MARCHF1: variants seen among roughly 807,000 people sequenced by gnomAD.
The protein encoded by MARCHF1 is membrane associated ring-CH-type finger 1.
A neutral mutation model predicts 54.2 loss-of-function variants in MARCHF1; 40 were observed. The observed-to-expected ratio is 0.74, with a 90% CI of 0.57 to 0.96. The LOEUF (loss-of-function observed/expected upper bound fraction) is 0.96, where lower values mean the gene tolerates loss of function less well. Ranked by LOEUF, MARCHF1 falls within the 40% of genes least tolerant of loss-of-function variation. MARCHF1 has a pLI of 0.00. For missense variants in MARCHF1, 586 were observed against 656.5 expected (o/e 0.89, Z 1.17); for synonymous variants, 236 against 236.3 (o/e 1.00, Z 0.01).
chr4:164,107,020 A>C (rs1220625489), intron 2 of MARCHF1, among the ~76,000 whole-genome samples: 1 of 152,218 alleles, frequency 6.6e-6, no homozygotes, highest in Non-Finnish European at 1.5e-5. Flanking sequence ...GTTTAAATGC[A>C]TCAGCATCTT....
chr4:163,967,590 A>C (rs1015541223), intron 3 of MARCHF1, among the ~76,000 whole-genome samples: 1 of 152,100 alleles, frequency 6.6e-6, no homozygotes, highest in African/African-American at 2.4e-5. Context: ...TACAACATGG[A>C]GGATCATTCG....
intron 5 of MARCHF1, among the ~76,000 whole-genome samples, chr4:163,649,770 A>G (rs1346783132): frequency 6.7e-6 from 1 of 149,182 alleles, no homozygotes; most frequent in Non-Finnish European, 1.5e-5. Flanking sequence ...TGGTTCTGTC[A>G]TTGTGTGCCT....
intron 1 of MARCHF1, among the ~76,000 whole-genome samples, chr4:164,211,397 C>T (rs191431657): frequency 0.014 from 1,999 of 146,140 alleles, 50 homozygotes; most frequent in East Asian, 0.11. Flanking sequence ...TACACACACA[C>T]ATATATATAT....
chr4:164,199,659 CACACACACACACACACACACACAGAG>C (rs1399415363), intron 1 of MARCHF1, among the ~76,000 whole-genome samples: 23 of 75,990 alleles, frequency 3.0e-4, no homozygotes, highest in African/African-American at 1.1e-3. Context: ...CACACACACA[CACACACACACACACACACACACAGAG>C]AGAGAGAGAG....
In MARCHF1 at chr4:163,721,527, G is replaced by A. The variant is rs1037228231; in HGVS notation, c.112-20664C>T. Among the ~76,000 whole-genome samples, 11 of 152,100 alleles carry A rather than the reference G, an allele frequency of 7.2e-5. 1 individual carries two copies. The highest frequency in any genetic ancestry group is 2.7e-4 in the African/African-American group (11 of 41,376). On this transcript the variant is annotated intron_variant, in intron 4 of 9. Transcript: ENST00000514618. Reference sequence around the variant, plus strand: ...TGTCTCTGCCAGGCTTTGGTATCAGGATGATGCTGGCCTCATAAAATGAGT... The same window carrying A: ...TGTCTCTGCCAGGCTTTGGTATCAGAATGATGCTGGCCTCATAAAATGAGT...
At chr4:164,332,993 T>A (rs1034845995) in intron 1 of MARCHF1, among the ~76,000 whole-genome samples, 2 of 152,220 alleles carry the variant, frequency 1.3e-5, no homozygotes, top group East Asian at 3.9e-4. Context: ...GTTCAATTGT[T>A]CTTGTATTTA....
At chr4:163,637,399 A>G (rs1179352399) in intron 5 of MARCHF1, among the ~76,000 whole-genome samples, 3 of 152,036 alleles carry the variant, frequency 2.0e-5, no homozygotes, top group South Asian at 2.1e-4. Flanking sequence ...CAAATTTACA[A>G]GAAAAAAACA....
intron 1 of MARCHF1, among the ~76,000 whole-genome samples, chr4:164,382,496 A>C (rs1341546319): frequency 6.6e-6 from 1 of 152,168 alleles, no homozygotes; most frequent in Non-Finnish European, 1.5e-5. Context: ...ATATACATTA[A>C]ATTCATACAT....
intron 4 of MARCHF1, among the ~76,000 whole-genome samples, chr4:163,724,546 G>C (rs1477403994): frequency 6.6e-6 from 1 of 152,130 alleles, no homozygotes; most frequent in African/African-American, 2.4e-5. Flanking sequence ...TGTCAGACAG[G>C]GACATTTAAG....
intron 1 of MARCHF1, among the ~76,000 whole-genome samples, chr4:164,381,790 G>A (rs1731378502): frequency 6.6e-6 from 1 of 152,106 alleles, no homozygotes; most frequent in African/African-American, 2.4e-5. Flanking sequence ...ATGAGCAACA[G>A]GTTCTCTAAG....
chr4:163,843,288 C>T (rs72997251), intron 4 of MARCHF1, among the ~76,000 whole-genome samples: 11,418 of 151,914 alleles, frequency 0.075, 574 homozygotes, highest in African/African-American at 0.14. Context: ...AGGTTGATTC[C>T]CTGTCTTTGA....
At chr4:163,794,432 T>C (rs1040838730) in intron 4 of MARCHF1, among the ~76,000 whole-genome samples, 7 of 152,196 alleles carry the variant, frequency 4.6e-5, no homozygotes, top group African/African-American at 1.7e-4. Context: ...CATTAAATAA[T>C]ACATTTGTAT....
chr4:163,733,205 A>ATATATACACACATG (rs1745913365), intron 4 of MARCHF1, among the ~76,000 whole-genome samples: 1 of 33,220 alleles, frequency 3.0e-5, no homozygotes, highest in African/African-American at 6.4e-5. Context: ...ATATATATAT[A>ATATATACACACATG]TATATATATA....
chr4:163,528,693 A>T lies in MARCHF1; in HGVS notation c.*55T>A, dbSNP rs561272170. On this transcript the variant is annotated 3_prime_UTR_variant, in exon 10 of 10. Coordinates refer to ENST00000514618, the MANE Select transcript of MARCHF1 (RefSeq NM_001394959.1). ...ATTCAAGATCACTTCTGTCATTTGT[A>T]GTGGCTGAGGGCTAGAAAGATATTC... 3.3e-6 allele frequency: 5 copies of T among 1,507,706 alleles called. No individual in the cohort carries two copies. The highest frequency in any genetic ancestry group is 2.6e-5 in the South Asian group (2 of 78,150). The allele number at this position is 1,507,706 out of a possible 1,614,324, so 93.4% of individuals were successfully genotyped here.
At chr4:164,114,754 A>C (rs1227543423) in intron 1 of MARCHF1, among the ~76,000 whole-genome samples, 1 of 151,750 alleles carries the variant, frequency 6.6e-6, no homozygotes, top group African/African-American at 2.4e-5. Flanking sequence ...CACACAATAC[A>C]ATGTTTGGAA....
intron 5 of MARCHF1, among the ~76,000 whole-genome samples, chr4:163,627,033 A>T (rs916410903): frequency 6.6e-5 from 10 of 152,250 alleles, no homozygotes; most frequent in Non-Finnish European, 1.5e-4. Flanking sequence ...TCTAATAAAG[A>T]TAAATTTTTA....
chr4:163,840,332 G>A (rs989929040), intron 4 of MARCHF1, among the ~76,000 whole-genome samples: 7 of 152,040 alleles, frequency 4.6e-5, no homozygotes, highest in African/African-American at 1.2e-4. Context: ...CATTTGTGTC[G>A]AAAGGAAGTA....
intron 3 of MARCHF1, among the ~76,000 whole-genome samples, chr4:163,916,176 A>C (rs1446626558): frequency 6.6e-6 from 1 of 152,176 alleles, no homozygotes; most frequent in African/African-American, 2.4e-5. Flanking sequence ...TGGTACATGT[A>C]ACTGAAGTAG....
intron 8 of MARCHF1, among the ~76,000 whole-genome samples, chr4:163,551,050 AGTAGTACTT>A (rs879928969): frequency 5.3e-5 from 8 of 152,232 alleles, no homozygotes; most frequent in Non-Finnish European, 1.0e-4. Flanking sequence ...TTATATCAGA[AGTAGTACTT>A]GTCACTCCCT....
Sources: allele counts gnomAD v4.1 joint callset (sites outside exome capture counted in the v4.1 genomes callset), GRCh38; gene constraint gnomAD v4.1.1; transcripts MANE v1.5; gene names NCBI Gene and HGNC (gene_info 2026-07-23, HGNC 2026-07-21).